Variants in CSMD1 observed in about 807,000 individuals in gnomAD.
CSMD1 encodes the protein CUB and sushi domain-containing protein 1.
Under a neutral mutation model 417.5 loss-of-function variants are expected in CSMD1, and 213 were observed. The ratio of observed to expected loss-of-function variants is 0.51; its 90% CI spans 0.46 to 0.57. The LOEUF is 0.57. Ranked by LOEUF, CSMD1 falls within the 20% of genes least tolerant of loss-of-function variation. CSMD1 has a pLI of 0.00. For synonymous variants in CSMD1, 2,862 were observed against 1,736.8 expected, an observed-to-expected ratio of 1.65 and a Z score of -16.11; for missense variants, 6,923 against 4,529.7, an observed-to-expected ratio of 1.53 and a Z score of -15.17.
At chr8:3,328,874 G>C (rs1323232373) in intron 23 of CSMD1, among the ~76,000 whole-genome samples, 1 of 152,164 alleles carries the variant, frequency 6.6e-6, no homozygotes, top group Non-Finnish European at 1.5e-5. Flanking sequence ...TATCCATGAA[G>C]AGTCTTAAGG....
At chr8:4,227,053 G>A (rs1431251917) in intron 3 of CSMD1, among the ~76,000 whole-genome samples, 1 of 151,936 alleles carries the variant, frequency 6.6e-6, no homozygotes, top group Non-Finnish European at 1.5e-5. Context: ...CTCTAAGACT[G>A]AACGACTCTG....
At chr8:4,466,611 G>A (rs1408401101) in intron 2 of CSMD1, among the ~76,000 whole-genome samples, 1 of 152,130 alleles carries the variant, frequency 6.6e-6, no homozygotes, top group East Asian at 1.9e-4. Context: ...GAGTTCATAA[G>A]CCAGTTCAAT....
intron 3 of CSMD1, among the ~76,000 whole-genome samples, chr8:4,279,769 G>A (rs79495707): frequency 0.024 from 3,618 of 152,238 alleles, 149 homozygotes; most frequent in African/African-American, 0.08. Context: ...AAAACTCTAC[G>A]TAAGATATGG....
intron 1 of CSMD1, among the ~76,000 whole-genome samples, chr8:4,715,409 T>A (rs548561297): frequency 1.3e-5 from 2 of 152,190 alleles, no homozygotes; most frequent in South Asian, 4.1e-4. Flanking sequence ...AACAGATACC[T>A]TTATTCATCT....
In CSMD1 at chr8:3,072,206, G is replaced by C. The variant is rs143318372; in HGVS notation, c.7474+14891C>G. ...ACAGATTCAAACTATTACAATTAGA[G>C]GTCGAAAGTTTTGTTTACAAACTTT... is the stretch of plus-strand genomic sequence containing the variant. On this transcript the variant is annotated intron_variant, in intron 49 of 69. Transcript: ENST00000635120. 7.3e-3 allele frequency among the ~76,000 whole-genome samples: 1,118 copies of C among 152,224 alleles called. 15 individuals are homozygous for C. The highest frequency in any genetic ancestry group is 0.025 in the African/African-American group (1,048 of 41,536).
At chr8:4,113,108 G>A (rs553565307) in intron 3 of CSMD1, among the ~76,000 whole-genome samples, 2 of 152,112 alleles carry the variant, frequency 1.3e-5, no homozygotes, top group East Asian at 3.9e-4. Context: ...AATGTGGTGT[G>A]TGTTCTTACT....
intron 3 of CSMD1, among the ~76,000 whole-genome samples, chr8:4,271,865 C>T (rs537099660): frequency 2.0e-5 from 3 of 152,282 alleles, no homozygotes; most frequent in East Asian, 3.9e-4. Context: ...GTGCATTCCA[C>T]GATGCATACA....
intron 2 of CSMD1, among the ~76,000 whole-genome samples, chr8:4,453,791 G>A (rs73660857): frequency 0.11 from 16,003 of 140,530 alleles, 1,087 homozygotes; most frequent in South Asian, 0.21. Context: ...CCAGGTTCCC[G>A]AACAAGATTG....
intron 5 of CSMD1, among the ~76,000 whole-genome samples, chr8:3,769,066 C>T (rs530806692): frequency 6.6e-6 from 1 of 152,332 alleles, no homozygotes; most frequent in East Asian, 1.9e-4. Flanking sequence ...GAAAGTCAGT[C>T]AGGAAAAGTC....
At chr8:3,223,936 G>A (rs1798349950) in intron 27 of CSMD1, 69 bp from the exon 28 acceptor site, 1 of 1,486,380 alleles carries the variant, frequency 6.7e-7, no homozygotes, top group Admixed American at 1.9e-5. Context: ...CAGTGTGGAA[G>A]GAGACACCAC....
chr8:3,878,083 T>G (rs567927449), intron 5 of CSMD1, among the ~76,000 whole-genome samples: 1 of 152,320 alleles, frequency 6.6e-6, no homozygotes, highest in East Asian at 1.9e-4. Context: ...ATTGAACATT[T>G]GCTATCAGCT....
chr8:4,627,944 T>C (rs1310131568), intron 2 of CSMD1, among the ~76,000 whole-genome samples: 4 of 152,052 alleles, frequency 2.6e-5, no homozygotes, highest in Non-Finnish European at 5.9e-5. Flanking sequence ...TCAGCATCTC[T>C]AGATTATACC....
intron 5 of CSMD1, among the ~76,000 whole-genome samples, chr8:3,832,936 T>C (rs1256118046): frequency 1.3e-5 from 2 of 152,190 alleles, no homozygotes; most frequent in Non-Finnish European, 2.9e-5. Context: ...TCAATAAAAT[T>C]ATTAAATATT....
chr8:3,988,176 G>C (rs938719488), intron 5 of CSMD1, among the ~76,000 whole-genome samples: 1 of 152,070 alleles, frequency 6.6e-6, no homozygotes, highest in African/African-American at 2.4e-5. Flanking sequence ...CTAAATCAGA[G>C]TCTCTAAGCA....
At chr8:3,562,500 G>A (rs925334512) in intron 10 of CSMD1, among the ~76,000 whole-genome samples, 1 of 149,894 alleles carries the variant, frequency 6.7e-6, no homozygotes, top group African/African-American at 2.4e-5. Context: ...ACACAGATGA[G>A]TGCCACAGCA....
At chr8:4,122,106 A>G (rs892116215) in intron 3 of CSMD1, among the ~76,000 whole-genome samples, 2 of 152,152 alleles carry the variant, frequency 1.3e-5, no homozygotes, top group Non-Finnish European at 2.9e-5. Flanking sequence ...ATAATATTGT[A>G]TCGTATAGGA....
intron 2 of CSMD1, among the ~76,000 whole-genome samples, chr8:4,441,289 G>A (rs1299459102): frequency 7.0e-6 from 1 of 143,368 alleles, no homozygotes; most frequent in Non-Finnish European, 1.5e-5. Context: ...TTTTGGTGGG[G>A]GGAGTAGAGA....
intron 1 of CSMD1, among the ~76,000 whole-genome samples, chr8:4,809,335 T>G (rs1798770465): frequency 1.3e-5 from 2 of 152,246 alleles, no homozygotes; most frequent in African/African-American, 4.8e-5. Flanking sequence ...GAGTTTCCGG[T>G]GTATCACCAT....
chr8:3,645,670 G>T (rs1159695601), intron 7 of CSMD1, among the ~76,000 whole-genome samples: 1 of 152,308 alleles, frequency 6.6e-6, no homozygotes, highest in East Asian at 1.9e-4. Flanking sequence ...TGCTACAGCA[G>T]AGACTACGGC....
Sources: gnomAD v4.1 joint callset for allele counts (sites outside exome capture counted in the v4.1 genomes callset) on GRCh38, gnomAD v4.1.1 for gene constraint, MANE v1.5 for transcripts, NCBI Gene and HGNC (gene_info 2026-07-23, HGNC 2026-07-21) for gene names.